The following CDCA7 variants were observed in gnomAD, a reference collection of about 807,000 sequenced individuals.
CDCA7 encodes the protein cell division cycle associated 7.
In CDCA7, 28 loss-of-function variants were observed where a neutral mutation model predicts 54.0. The observed-to-expected ratio is 0.52, with a 90% CI of 0.38 to 0.71. CDCA7 has a LOEUF of 0.71. Ranked by LOEUF, CDCA7 falls within the 30% of genes least tolerant of loss-of-function variation. CDCA7 has a pLI of 0.00. For synonymous variants in CDCA7, 180 were observed against 208.2 expected, an observed-to-expected ratio of 0.86 and a Z score of 1.16; for missense variants, 484 against 586.0, an observed-to-expected ratio of 0.83 and a Z score of 1.80.
chr2:173,363,768 C>T (rs78763949), intron 4 of CDCA7, 50 bp from the exon 5 acceptor site: 36,977 of 1,559,038 alleles, frequency 0.024, 990 homozygotes, highest in East Asian at 0.16. Flanking sequence ...TGCTCATTTT[C>T]GACAGTTATT....
At chr2:173,358,875 A>G (rs747154199) in intron 2 of CDCA7, 38 bp downstream of exon 2, 7 of 1,591,684 alleles carry the variant, frequency 4.4e-6, no homozygotes, top group South Asian at 1.1e-5. Context: ...TTGAGTCTGC[A>G]GTGCTCAAAA....
At position 173,367,880 on chromosome 2, in the gene CDCA7, C is replaced by T; in HGVS notation, c.*216C>T. 2 of 592,210 alleles carry T rather than the reference C, an allele frequency of 3.4e-6. No homozygotes were observed. Among genetic ancestry groups the T allele is most frequent in the Non-Finnish European group, 6.0e-6 (2 of 333,102 alleles). The allele number at this position is 592,210 out of a possible 1,614,324, so 36.7% of individuals were successfully genotyped here. On this transcript the variant is annotated 3_prime_UTR_variant, in exon 10 of 10. Transcript: ENST00000306721. ...CCTCCTGCAGTTTCTTCTCTGCTCCCAACCCCCATCTCACAGCATCCCCCT... is the reference window on the plus strand; with the variant it reads ...CCTCCTGCAGTTTCTTCTCTGCTCCTAACCCCCATCTCACAGCATCCCCCT...
At chr2:173,364,557 G>T (rs965624653) in intron 5 of CDCA7, 1 of 393,104 alleles carries the variant, frequency 2.5e-6, no homozygotes, top group African/African-American at 2.1e-5. Context: ...TTAAGTAAAA[G>T]AATAAATAGC....
intron 9 of CDCA7, 95 bp from the exon 10 acceptor site, chr2:173,367,539 T>G: frequency 6.8e-7 from 1 of 1,478,030 alleles, no homozygotes; most frequent in Non-Finnish European, 9.5e-7. Context: ...ATGTTATAAC[T>G]CAATAAAAAT....
chr2:173,368,958 CAT>C lies in CDCA7; in HGVS notation c.*1297_*1298del, dbSNP rs1263698355. 6.6e-6 allele frequency: 1 copy of C among 152,130 alleles called. No individual in the cohort carries two copies. The highest frequency in any genetic ancestry group is 2.4e-5 in the African/African-American group (1 of 41,408). 9.4% of individuals were successfully genotyped at this position (152,130 alleles called of 1,614,324 possible). ...CTGTACTTAATTCTAATTTTTTCCT[CAT>C]ATTTAAATAAAAGGCCATTTCCACC... On this transcript the variant is annotated 3_prime_UTR_variant, in exon 10 of 10. Coordinates refer to ENST00000306721, the MANE Select transcript of CDCA7 (RefSeq NM_031942.5).
At chr2:173,367,048 T>C in intron 8 of CDCA7, 102 bp from the exon 9 acceptor site, 1 of 1,456,702 alleles carries the variant, frequency 6.9e-7, no homozygotes, top group Non-Finnish European at 9.2e-7. Context: ...CTATTAATCA[T>C]ATAAATTTTT....
At chr2:173,360,436 ACT>A (rs1389786420) in intron 3 of CDCA7, among the ~76,000 whole-genome samples, 2 of 152,278 alleles carry the variant, frequency 1.3e-5, no homozygotes, top group East Asian at 1.9e-4. Context: ...GTTGTTTTGT[ACT>A]CTCTCAATCC....
At chr2:173,357,727 T>TAAA (rs879634047) in intron 1 of CDCA7, among the ~76,000 whole-genome samples, 2,660 of 152,190 alleles carry the variant, frequency 0.017, 36 homozygotes, top group South Asian at 0.043. Flanking sequence ...TTAATTTTTT[T>TAAA]AAAAAAACAG....
chr2:173,355,604 G>A (rs1239994109), intron 1 of CDCA7, among the ~76,000 whole-genome samples: 1 of 152,144 alleles, frequency 6.6e-6, no homozygotes, highest in African/African-American at 2.4e-5. Flanking sequence ...CATTTAAAGG[G>A]CTTGGTGGGT....
intron 5 of CDCA7, chr2:173,364,590 C>A: frequency 5.0e-6 from 2 of 399,140 alleles, no homozygotes; most frequent in Non-Finnish European, 7.7e-6. Context: ...TTGAAAGAAA[C>A]TGGGCTTGGT....
At chr2:173,360,164 G>A (rs1686592446) in intron 3 of CDCA7, among the ~76,000 whole-genome samples, 1 of 152,168 alleles carries the variant, frequency 6.6e-6, no homozygotes, top group South Asian at 2.1e-4. Context: ...CAACTCACTG[G>A]TCTGACATGG....
intron 3 of CDCA7, among the ~76,000 whole-genome samples, chr2:173,362,486 A>AT: frequency 6.6e-6 from 1 of 151,932 alleles, no homozygotes; most frequent in Admixed American, 6.6e-5. Flanking sequence ...TATATTATAT[A>AT]TTTTTTAAAG....
intron 3 of CDCA7, among the ~76,000 whole-genome samples, chr2:173,359,904 C>T (rs1686587845): frequency 6.6e-6 from 1 of 152,154 alleles, no homozygotes; most frequent in African/African-American, 2.4e-5. Context: ...TCTTGAAAAC[C>T]TGTGATAACT....
rs1686654031 is a variant in CDCA7, at chr2:173,363,125, AATTC to A, written c.385-97_385-94del. Reference sequence around the variant, plus strand: ...CCCAGAGGTATCAATGTTCAGTTAAAATTCATTTCATACAAGTGTCTCATTGAAA... The same window carrying A: ...CCCAGAGGTATCAATGTTCAGTTAAAATTTCATACAAGTGTCTCATTGAAA... On this transcript the variant is annotated intron_variant, in intron 3 of 9. Coordinates refer to ENST00000306721, the MANE Select transcript of CDCA7 (RefSeq NM_031942.5). 4 of 1,139,106 alleles carry A rather than the reference AATTC, an allele frequency of 3.5e-6. No homozygotes were observed. The African/African-American group carries it at 6.1e-5, about 17-fold the overall frequency. The allele number at this position is 1,139,106 out of a possible 1,614,324, so 70.6% of individuals were successfully genotyped here.
chr2:173,357,492 G>C (rs528736082), intron 1 of CDCA7, among the ~76,000 whole-genome samples: 2 of 152,272 alleles, frequency 1.3e-5, no homozygotes, highest in African/African-American at 4.8e-5. Flanking sequence ...GCTTTGTAAG[G>C]ACTTCTGTGG....
chr2:173,360,665 T>C (rs939091140), intron 3 of CDCA7, among the ~76,000 whole-genome samples: 10 of 152,202 alleles, frequency 6.6e-5, no homozygotes, highest in Middle Eastern at 3.4e-3. Flanking sequence ...TTTATAGAGA[T>C]GTGGGCTCAC....
Position 173,366,255 on chromosome 2 carries a change from GT to G in CDCA7, c.1036-20del. 6.6e-7 allele frequency: 1 copy of G among 1,521,710 alleles called. No individual in the cohort carries two copies. Among genetic ancestry groups the G allele is most frequent in the Non-Finnish European group, 8.9e-7 (1 of 1,124,498 alleles). The allele number at this position is 1,521,710 out of a possible 1,614,324, so 94.3% of individuals were successfully genotyped here. The stretch of plus-strand genomic sequence containing the variant: ...CTGTTGAAAAACAGTGGTTTTTTTT[GT>G]TTTTTTTCTTAATGGCTTATTTGTA... On this transcript the variant is annotated intron_variant, in intron 7 of 9. Coordinates refer to ENST00000306721, the MANE Select transcript of CDCA7 (RefSeq NM_031942.5). The surrounding 1 kb of genome is among the most constrained non-coding windows in gnomAD (Gnocchi z 4.5).
At position 173,359,499 on chromosome 2, in the gene CDCA7, C is replaced by T. The variant is rs373928192; in HGVS notation, c.384+8C>T. The T allele has an allele frequency of 5.8e-5, 93 of 1,601,466 alleles. No individual in the cohort carries two copies. In the South Asian group the frequency reaches 5.8e-4, roughly 10 times the overall value. ...GAGATACAAGATGGAATGGTGAGTT[C>T]GAGAATTTCACCAGTTTCAAGAAGT... On this transcript the variant is annotated splice_region_variant and intron_variant, in intron 3 of 9. Transcript: ENST00000306721.
At chr2:173,362,335 G>A (rs576516673) in intron 3 of CDCA7, among the ~76,000 whole-genome samples, 3 of 152,220 alleles carry the variant, frequency 2.0e-5, no homozygotes, top group East Asian at 3.9e-4. Flanking sequence ...CTGTTTAATG[G>A]GTATGGATGG....
Sources: gnomAD v4.1 joint callset for allele counts (sites outside exome capture counted in the v4.1 genomes callset) on GRCh38, gnomAD v4.1.1 for gene constraint, Gnocchi (gnomAD v3.1) non-coding constraint, MANE v1.5 for transcripts, NCBI Gene and HGNC (gene_info 2026-07-23, HGNC 2026-07-21) for gene names.